The following IP6K3 variants were observed in gnomAD, a reference collection of about 807,000 sequenced individuals.
IP6K3 encodes the protein ATP:1D-myo-inositol-hexakisphosphate phosphotransferase.
In IP6K3, 20 loss-of-function variants were observed where a neutral mutation model predicts 28.8. The observed-to-expected ratio is 0.70, with a 90% CI of 0.49 to 1.01. The LOEUF (loss-of-function observed/expected upper bound fraction) is 1.01, where lower values mean the gene tolerates loss of function less well. Among genes scored for constraint, IP6K3 ranks in the 50% least tolerant of loss-of-function variants. IP6K3 has a pLI of 0.00. For missense variants in IP6K3, 480 were observed against 537.1 expected (o/e 0.89, Z 1.05); for synonymous variants, 213 against 221.3 (o/e 0.96, Z 0.33).
upstream of IP6K3, among the ~76,000 whole-genome samples, chr6:33,749,750 G>C (rs961590744): frequency 2.0e-5 from 3 of 151,902 alleles, no homozygotes; most frequent in Non-Finnish European, 4.4e-5. Context: ...CCTGCCCTGA[G>C]CTCTTCACAC....
intron 1 of IP6K3, among the ~76,000 whole-genome samples, chr6:33,743,432 T>G (rs908519787): frequency 2.2e-4 from 34 of 152,130 alleles, no homozygotes; most frequent in African/African-American, 8.2e-4. Context: ...CGAGGGAGCA[T>G]TTTTTAATCT....
upstream of IP6K3, among the ~76,000 whole-genome samples, chr6:33,751,520 T>TG (rs1561914794): frequency 0.22 from 21,395 of 98,224 alleles, 1,809 homozygotes; most frequent in South Asian, 0.29. This position sits in a 1 kb window ranked among gnomAD's most constrained non-coding sequence, Gnocchi z 4.3. Flanking sequence ...GTGTGTGTGT[T>TG]TGGCCCCGGG....
At chr6:33,727,934 G>A in intron 3 of IP6K3, 153 bp downstream of exon 3, 1 of 985,318 alleles carries the variant, frequency 1.0e-6, no homozygotes, top group Non-Finnish European at 1.2e-6. Context: ...TCCTTTCTTT[G>A]GTCACATTGG....
chr6:33,755,819 T>C, the IP6K3 span, among the ~76,000 whole-genome samples: 1 of 152,252 alleles, frequency 6.6e-6, no homozygotes, highest in African/African-American at 2.4e-5. Flanking sequence ...TAAAAACCAT[T>C]GATGTTAACT....
the IP6K3 span, among the ~76,000 whole-genome samples, chr6:33,755,871 A>AT: frequency 8.5e-5 from 13 of 152,078 alleles, no homozygotes; most frequent in Non-Finnish European, 1.6e-4. Context: ...ATTTTATTTT[A>AT]TTTATTTTTT....
chr6:33,728,514 GC>G (rs1417643175), intron 2 of IP6K3, among the ~76,000 whole-genome samples: 2 of 152,196 alleles, frequency 1.3e-5, no homozygotes, highest in African/African-American at 4.8e-5. Context: ...GGAGAAAATA[GC>G]CTTGGGCTGA....
the IP6K3 span, among the ~76,000 whole-genome samples, chr6:33,759,858 G>A: frequency 6.6e-6 from 1 of 151,272 alleles, no homozygotes; most frequent in African/African-American, 2.4e-5. Context: ...GGGTGACAGA[G>A]TGAGACTCCG....
chr6:33,748,139 T>C (rs1035951360), upstream of IP6K3, among the ~76,000 whole-genome samples: 1 of 152,154 alleles, frequency 6.6e-6, no homozygotes, highest in Non-Finnish European at 1.5e-5. Context: ...GCCTCCTCTC[T>C]GGCCAGAGAT....
chr6:33,730,961 G>T (rs575976762), intron 2 of IP6K3, among the ~76,000 whole-genome samples: 4 of 152,324 alleles, frequency 2.6e-5, no homozygotes, highest in African/African-American at 9.6e-5. Flanking sequence ...CTCAGGGAGG[G>T]TCGTCAGCGC....
chr6:33,759,400 C>A, the IP6K3 span, among the ~76,000 whole-genome samples: 1 of 152,150 alleles, frequency 6.6e-6, no homozygotes, highest in Non-Finnish European at 1.5e-5. Context: ...CACCACTACA[C>A]CTGGCTAATT....
upstream of IP6K3, among the ~76,000 whole-genome samples, chr6:33,749,205 G>A (rs987004890): frequency 6.6e-6 from 1 of 152,096 alleles, no homozygotes; most frequent in Non-Finnish European, 1.5e-5. Context: ...CTCCAGGAGG[G>A]CCTGTCCACA....
intron 1 of IP6K3, among the ~76,000 whole-genome samples, chr6:33,741,014 C>G (rs562139604): frequency 4.6e-5 from 7 of 152,344 alleles, no homozygotes; most frequent in African/African-American, 1.7e-4. Flanking sequence ...ATGATTGCAG[C>G]TGTGAAGGTA....
chr6:33,748,889 A>G (rs1489583869), upstream of IP6K3, among the ~76,000 whole-genome samples: 1 of 149,936 alleles, frequency 6.7e-6, no homozygotes, highest in Non-Finnish European at 1.5e-5. Context: ...CTGCCCCCTG[A>G]CTCCCCCCTG....
intron 1 of IP6K3, among the ~76,000 whole-genome samples, chr6:33,743,596 A>T (rs536213689): frequency 1.8e-4 from 27 of 152,246 alleles, no homozygotes; most frequent in Non-Finnish European, 2.6e-4. Context: ...GGAAAAATGG[A>T]GTTTTAAAAT....
chr6:33,758,091 C>T, the IP6K3 span, among the ~76,000 whole-genome samples: 2 of 152,198 alleles, frequency 1.3e-5, no homozygotes, highest in South Asian at 2.1e-4. Context: ...GCCTGGAGAG[C>T]GCTCCAGGGA....
At chr6:33,757,703 C>T in the IP6K3 span, among the ~76,000 whole-genome samples, 8 of 152,064 alleles carry the variant, frequency 5.3e-5, no homozygotes, top group African/African-American at 1.9e-4. Context: ...AAGAACCCAA[C>T]TAAATGTGAT....
chr6:33,731,860 A>C (rs1008400824), intron 2 of IP6K3, among the ~76,000 whole-genome samples: 1 of 151,850 alleles, frequency 6.6e-6, no homozygotes, highest in Non-Finnish European at 1.5e-5. Context: ...TCTCCTGACC[A>C]GGAGAGTGTG....
In IP6K3 at chr6:33,722,110, G is replaced by T. The variant is rs940493175; in HGVS notation, c.*610C>A. 3.3e-5 allele frequency: 5 copies of T among 152,212 alleles called. No individual in the cohort carries two copies. The highest frequency in any genetic ancestry group is 7.3e-5 in the Non-Finnish European group (5 of 68,036). 9.4% of individuals were successfully genotyped at this position (152,212 alleles called of 1,614,324 possible). A position where few individuals can be genotyped will look rare whatever the true frequency, so the allele number is the denominator to read the frequency against. On this transcript the variant is annotated 3_prime_UTR_variant, in exon 6 of 6. Transcript: ENST00000293756. ...TTCCACAGGCAAAAATGGAGAATCT[G>T]GGGTCTTGCTTTGCCAGAGCTCATG...
At chr6:33,727,425 G>A (rs1352475387) in intron 3 of IP6K3, among the ~76,000 whole-genome samples, 2 of 152,130 alleles carry the variant, frequency 1.3e-5, no homozygotes, top group Non-Finnish European at 2.9e-5. Flanking sequence ...TGGAGATAAT[G>A]CTCCTGCTTC....
Sources: allele counts gnomAD v4.1 joint callset (sites outside exome capture counted in the v4.1 genomes callset), GRCh38; gene constraint gnomAD v4.1.1; non-coding constraint Gnocchi (gnomAD v3.1); transcripts MANE v1.5; gene names NCBI Gene and HGNC (gene_info 2026-07-23, HGNC 2026-07-21).